Variants in RAB3GAP2 observed in about 807,000 individuals in gnomAD.
RAB3GAP2 encodes the protein RAB3 GTPase activating non-catalytic protein subunit 2, also known as rab3 GTPase-activating protein non-catalytic subunit.
RAB3GAP2 carries 87 observed loss-of-function variants against 185.3 expected under a neutral mutation model. The ratio of observed to expected loss-of-function variants is 0.47; its 90% CI spans 0.39 to 0.56. The LOEUF (loss-of-function observed/expected upper bound fraction) is 0.56, where lower values mean the gene tolerates loss of function less well. Among genes scored for constraint, RAB3GAP2 ranks in the 20% least tolerant of loss-of-function variants. RAB3GAP2 has a pLI of 0.00. For missense variants in RAB3GAP2, 1,492 were observed against 1,638.2 expected (o/e 0.91, Z 1.54); for synonymous variants, 554 against 576.1 (o/e 0.96, Z 0.55).
At chr1:220,216,353 C>T (rs990410620) in intron 2 of RAB3GAP2, among the ~76,000 whole-genome samples, 1 of 152,034 alleles carries the variant, frequency 6.6e-6, no homozygotes, top group Admixed American at 6.6e-5. Context: ...GAAAATTATC[C>T]CCCAAAGATA....
chr1:220,191,833 A>G (rs191941704), intron 13 of RAB3GAP2, among the ~76,000 whole-genome samples: 1 of 151,810 alleles, frequency 6.6e-6, no homozygotes, highest in East Asian at 1.9e-4. Context: ...AAAAAAAGAG[A>G]AAAGATTATA....
chr1:220,272,235 G>A lies in RAB3GAP2; in HGVS notation c.103C>T (p.Arg35Trp), dbSNP rs1403389577. Reference protein sequence around the residue: ...LREEILSGALRRDPSKSTDWE... With the variant: ...LREEILSGALWRDPSKSTDWE... ...GAGAGGCACTTACTGGGGTCCCTCC[G>A]CAAGGCGCCGCTGAGGATCTCCTCC... Residue 35 changes from arginine to tryptophan, a missense_variant, in exon 1 of 35, where the codon CGG (arginine) becomes TGG (tryptophan). Arg to Trp is a moderately radical substitution (Grantham distance 101, BLOSUM62 -3). Coordinates refer to ENST00000358951, the MANE Select transcript of RAB3GAP2 (RefSeq NM_012414.4). 8.7e-6 allele frequency: 14 copies of A among 1,607,094 alleles called. No individual in the cohort carries two copies. Among genetic ancestry groups the A allele is most frequent in the Non-Finnish European group, 1.2e-5 (14 of 1,177,812 alleles).
chr1:220,170,584 T>C (rs1658155987), intron 24 of RAB3GAP2, among the ~76,000 whole-genome samples: 1 of 152,122 alleles, frequency 6.6e-6, no homozygotes. Context: ...GGTTGAAGTA[T>C]AAGAGGAAAA....
chr1:220,258,835 C>A (rs1660083530), intron 1 of RAB3GAP2, among the ~76,000 whole-genome samples: 1 of 152,162 alleles, frequency 6.6e-6, no homozygotes, highest in South Asian at 2.1e-4. Flanking sequence ...ATCTAGAAAA[C>A]CCCATCATCT....
chr1:220,241,127 T>G (rs1659690312), intron 1 of RAB3GAP2, among the ~76,000 whole-genome samples: 1 of 152,064 alleles, frequency 6.6e-6, no homozygotes, highest in African/African-American at 2.4e-5. Context: ...AATAAGAAAT[T>G]CAACTTCTGC....
In RAB3GAP2 at chr1:220,151,812, T is replaced by C. The variant is rs370973893; in HGVS notation, c.3868-48A>G. The C allele has an allele frequency of 1.9e-6, 3 of 1,540,900 alleles. No homozygotes were observed. The African/African-American group carries it at 4.1e-5, about 21-fold the overall frequency. On this transcript the variant is annotated intron_variant, in intron 33 of 34. Transcript: ENST00000358951. ...ATAATACAGTCAGAGTGAGCAGATT[T>C]GTTTATTCTATAGGAAAGGGGTTGC...
At chr1:220,254,419 C>T in intron 1 of RAB3GAP2, 1 of 1,612,974 alleles carries the variant, frequency 6.2e-7, no homozygotes, top group Non-Finnish European at 8.5e-7. Flanking sequence ...TGAGAAGAGC[C>T]TTGCTTTATT....
At chr1:220,152,578 A>G (rs1657778007) in intron 33 of RAB3GAP2, among the ~76,000 whole-genome samples, 1 of 152,146 alleles carries the variant, frequency 6.6e-6, no homozygotes, top group South Asian at 2.1e-4. Context: ...TCTTGTCTCA[A>G]GCACTGTTCC....
Position 220,153,275 on chromosome 1 carries a change from TA to T in RAB3GAP2, c.3776del (p.Leu1259Ter). The T allele has an allele frequency of 6.2e-7, 1 of 1,614,198 alleles. No individual in the cohort carries two copies. The highest frequency in any genetic ancestry group is 8.5e-7 in the Non-Finnish European group (1 of 1,180,002). On this transcript the variant is annotated frameshift_variant, in exon 33 of 35. Coordinates refer to ENST00000358951, the MANE Select transcript of RAB3GAP2 (RefSeq NM_012414.4). LOFTEE classifies it high-confidence loss of function. ...DQDWPALAVD[L>X]AHHLQVSEDV... is the part of the protein sequence containing the mutation. ...CTTCACTAACTTGAAGGTGATGGGC[TA>T]AATCCACAGCTAGAGCTGGCCAATC...
chr1:220,150,252 C>G lies in RAB3GAP2; in HGVS notation c.*999G>C, dbSNP rs868391421. ...ATATTTATTTAGCACTTGGACTGCT[C>G]TAGGCACTATAGGGTACAAAATTAG... On this transcript the variant is annotated 3_prime_UTR_variant, in exon 35 of 35. Coordinates refer to ENST00000358951, the MANE Select transcript of RAB3GAP2 (RefSeq NM_012414.4). 6.6e-6 allele frequency: 1 copy of G among 152,172 alleles called. No homozygotes were observed. Among genetic ancestry groups the G allele is most frequent in the Non-Finnish European group, 1.5e-5 (1 of 67,968 alleles). 9.4% of individuals were successfully genotyped at this position (152,172 alleles called of 1,614,324 possible). A position where few individuals can be genotyped will look rare whatever the true frequency, so the allele number is the denominator to read the frequency against.
In RAB3GAP2 at chr1:220,182,781, A is replaced by C; in HGVS notation, c.2149T>G (p.Leu717Val). 1.2e-6 allele frequency: 2 copies of C among 1,612,972 alleles called. No individual in the cohort carries two copies. The highest frequency in any genetic ancestry group is 1.7e-6 in the Non-Finnish European group (2 of 1,179,772). Residue 717 changes from leucine to valine, a missense_variant, in exon 20 of 35, where the codon TTA (leucine) becomes GTA (valine). Transcript: ENST00000358951. Reference sequence around the variant, plus strand: ...TTGAGCACATCCTTTTCATATTCTAAATATTCCAAGAATGTTTTTACAGGC... The same window carrying C: ...TTGAGCACATCCTTTTCATATTCTACATATTCCAAGAATGTTTTTACAGGC... ...VLPVKTFLEY[L>V]EYEKDVLNIK...
At chr1:220,177,750 T>C (rs904863123) in intron 21 of RAB3GAP2, among the ~76,000 whole-genome samples, 4 of 151,862 alleles carry the variant, frequency 2.6e-5, no homozygotes, top group African/African-American at 9.7e-5. Flanking sequence ...TAAAAATACA[T>C]AGTCAGAGGA....
intron 33 of RAB3GAP2, 152 bp from the exon 34 acceptor site, chr1:220,151,916 C>T (rs1657764644): frequency 1.1e-6 from 1 of 891,950 alleles, no homozygotes; most frequent in Non-Finnish European, 1.7e-6. Flanking sequence ...AAATCCAAAT[C>T]AAACTTAGCA....
chr1:220,170,214 A>C (rs1658147479), intron 24 of RAB3GAP2, among the ~76,000 whole-genome samples: 1 of 152,130 alleles, frequency 6.6e-6, no homozygotes, highest in Non-Finnish European at 1.5e-5. Flanking sequence ...TGGGAGTTGA[A>C]AATGAGAACA....
Position 220,178,502 on chromosome 1 carries a change from A to T in RAB3GAP2, c.2310+3755T>A, listed in dbSNP as rs7541315. On this transcript the variant is annotated intron_variant, in intron 21 of 34. Coordinates refer to ENST00000358951, the MANE Select transcript of RAB3GAP2 (RefSeq NM_012414.4). ...AAAAATGCTAAAATGGGGGGAGAAG[A>T]GAGTTAATGCGTATAGGTTTTCTTT... Among the ~76,000 whole-genome samples the T allele has an allele frequency of 2.8e-3, 426 of 152,312 alleles. 4 individuals are homozygous for T. Among genetic ancestry groups the T allele is most frequent in the African/African-American group, 8.8e-3 (366 of 41,564 alleles).
chr1:220,158,082 A>C lies in RAB3GAP2; in HGVS notation c.3262-206T>G, dbSNP rs1657891430. 6.6e-6 allele frequency among the ~76,000 whole-genome samples: 1 copy of C among 152,228 alleles called. No individual in the cohort carries two copies. Among genetic ancestry groups the C allele is most frequent in the Non-Finnish European group, 1.5e-5 (1 of 68,034 alleles). ...AACCAATTTTAAAGTCAAGCTTTACAAAGTGGTATAAATATTGACTTTTAA... is the reference window on the plus strand; with the variant it reads ...AACCAATTTTAAAGTCAAGCTTTACCAAGTGGTATAAATATTGACTTTTAA... On this transcript the variant is annotated intron_variant, in intron 29 of 34. Transcript: ENST00000358951. This position sits in a 1 kb window ranked among gnomAD's most constrained non-coding sequence, Gnocchi z 4.3.
chr1:220,203,535 C>A (rs1658902628), intron 8 of RAB3GAP2, among the ~76,000 whole-genome samples: 1 of 152,124 alleles, frequency 6.6e-6, no homozygotes, highest in Non-Finnish European at 1.5e-5. Context: ...TTCCTTACTT[C>A]CCAGGAGACA....
chr1:220,206,620 T>A (rs1254988216), intron 7 of RAB3GAP2, among the ~76,000 whole-genome samples: 2 of 152,210 alleles, frequency 1.3e-5, no homozygotes, highest in African/African-American at 4.8e-5. Flanking sequence ...AGTGTGCTCT[T>A]GGTGAGACAT....
At chr1:220,173,479 AGACT>A (rs1383851313) in intron 21 of RAB3GAP2, among the ~76,000 whole-genome samples, 13 of 152,378 alleles carry the variant, frequency 8.5e-5, no homozygotes, top group East Asian at 3.8e-4. Context: ...CTAAGTTAAA[AGACT>A]GACTGTTAGT....
Sources: gnomAD v4.1 joint callset for allele counts (sites outside exome capture counted in the v4.1 genomes callset) on GRCh38, gnomAD v4.1.1 for gene constraint, Gnocchi (gnomAD v3.1) non-coding constraint, MANE v1.5 for transcripts, NCBI Gene and HGNC (gene_info 2026-07-23, HGNC 2026-07-21) for gene names.